The following MAF variants were observed in gnomAD, a reference collection of about 807,000 sequenced individuals.
MAF encodes the protein transcription factor Maf.
A neutral mutation model predicts 22.0 loss-of-function variants in MAF; 10 were observed. That is an observed-to-expected ratio of 0.45 (90% confidence interval 0.28 to 0.77). MAF has a LOEUF of 0.77. Among genes scored for constraint, MAF ranks in the 30% least tolerant of loss-of-function variants. The probability of loss-of-function intolerance (pLI) is 0.12; values close to 1 mark genes in which losing one functional copy is unlikely to be tolerated. For missense variants in MAF, 544 were observed against 548.4 expected, an observed-to-expected ratio of 0.99 and a Z score of 0.08; for synonymous variants, 337 against 255.8, an observed-to-expected ratio of 1.32 and a Z score of -3.03.
the MAF span, among the ~76,000 whole-genome samples, chr16:79,384,436 A>G: frequency 2.5e-5 from 3 of 118,390 alleles, no homozygotes; most frequent in Non-Finnish European, 5.0e-5. Flanking sequence ...CAAGAGCAAA[A>G]CTCTGTCTCA....
the MAF span, among the ~76,000 whole-genome samples, chr16:79,346,940 C>T: frequency 6.6e-6 from 1 of 152,020 alleles, no homozygotes; most frequent in Admixed American, 6.6e-5. Flanking sequence ...TTTTTAAGCT[C>T]CTCAATAAAG....
the MAF span, among the ~76,000 whole-genome samples, chr16:79,553,477 G>C: frequency 6.6e-6 from 1 of 152,200 alleles, no homozygotes. Context: ...AGACAGCGTG[G>C]AGTCAGTTTG....
the MAF span, among the ~76,000 whole-genome samples, chr16:79,270,043 T>G: frequency 0.024 from 3,726 of 152,098 alleles, 53 homozygotes; most frequent in Non-Finnish European, 0.03. Context: ...CAATCCTGTT[T>G]TTTTCATCCT....
the MAF span, among the ~76,000 whole-genome samples, chr16:79,331,706 G>C: frequency 2.6e-5 from 4 of 152,152 alleles, no homozygotes; most frequent in African/African-American, 9.7e-5. Flanking sequence ...GTAAGATCTA[G>C]ACTGCTATGG....
At chr16:79,315,975 C>G in the MAF span, among the ~76,000 whole-genome samples, 42 of 152,358 alleles carry the variant, frequency 2.8e-4, 1 homozygote, top group African/African-American at 8.9e-4. Context: ...ACCTGCCATT[C>G]TGAACCTCTT....
chr16:79,305,430 T>C, the MAF span, among the ~76,000 whole-genome samples: 2 of 152,228 alleles, frequency 1.3e-5, no homozygotes, highest in African/African-American at 4.8e-5. Context: ...GCTGGATGCT[T>C]TTCCTCCCTG....
chr16:79,298,882 T>C, the MAF span, among the ~76,000 whole-genome samples: 1 of 152,234 alleles, frequency 6.6e-6, no homozygotes, highest in Non-Finnish European at 1.5e-5. Flanking sequence ...CCCAGCAAGT[T>C]CTGGCAGACA....
At chr16:79,449,604 C>T in the MAF span, among the ~76,000 whole-genome samples, 17 of 152,218 alleles carry the variant, frequency 1.1e-4, no homozygotes, top group Admixed American at 6.5e-4. Context: ...GCTACAACGC[C>T]GGCCTACAGC....
At chr16:79,204,273 T>C in the MAF span, 1 of 152,084 alleles carries the variant, frequency 6.6e-6, no homozygotes, top group East Asian at 1.9e-4. Flanking sequence ...ATACCTTCTC[T>C]TAGTTCTAAT....
the MAF span, among the ~76,000 whole-genome samples, chr16:79,437,843 G>A: frequency 8.5e-5 from 13 of 152,194 alleles, no homozygotes; most frequent in African/African-American, 3.1e-4. Context: ...GGCTGGGAAG[G>A]GGGTTCCCAC....
the MAF span, among the ~76,000 whole-genome samples, chr16:79,522,737 C>G: frequency 6.6e-6 from 1 of 152,274 alleles, no homozygotes; most frequent in East Asian, 1.9e-4. Flanking sequence ...TGAGATCAAT[C>G]CAACGATGGC....
At chr16:79,499,426 G>A in the MAF span, among the ~76,000 whole-genome samples, 1 of 152,194 alleles carries the variant, frequency 6.6e-6, no homozygotes, top group Admixed American at 6.5e-5. Context: ...CCATGGCATA[G>A]AAGCTATAGT....
the MAF span, among the ~76,000 whole-genome samples, chr16:79,502,861 C>G: frequency 1.0e-4 from 15 of 149,650 alleles, no homozygotes; most frequent in East Asian, 2.7e-3. Flanking sequence ...ATTCTTTACT[C>G]TCTTTAACGT....
chr16:79,600,655 G>T lies in MAF; in HGVS notation c.-753C>A, dbSNP rs555035655. ...GGAAAGACGAGGCAGAGAGCAAAGG[G>T]GGGAGGGGGAGGCCAAGCCGACAAG... is the stretch of plus-strand genomic sequence containing the variant. On this transcript the variant is annotated 5_prime_UTR_variant, in exon 1 of 2. Coordinates refer to ENST00000326043, the MANE Select transcript of MAF (RefSeq NM_005360.5). The T allele has an allele frequency of 5.1e-6, 1 of 196,434 alleles. No homozygotes were observed. Among genetic ancestry groups the T allele is most frequent in the South Asian group, 2.0e-4 (1 of 5,010 alleles). 12.2% of individuals were successfully genotyped at this position (196,434 alleles called of 1,614,324 possible).
the MAF span, among the ~76,000 whole-genome samples, chr16:79,406,935 T>A: frequency 2.0e-5 from 3 of 152,234 alleles, no homozygotes; most frequent in South Asian, 6.2e-4. Flanking sequence ...CCTAACTCCT[T>A]GTCTGATGCT....
chr16:79,342,831 G>C, the MAF span, among the ~76,000 whole-genome samples: 1 of 152,144 alleles, frequency 6.6e-6, no homozygotes, highest in Non-Finnish European at 1.5e-5. Flanking sequence ...AGATCACATG[G>C]TCCATGCATA....
At chr16:79,353,170 G>A in the MAF span, among the ~76,000 whole-genome samples, 1 of 151,262 alleles carries the variant, frequency 6.6e-6, no homozygotes, top group Non-Finnish European at 1.5e-5. Flanking sequence ...CACCCAGGCT[G>A]GAGAGCAGCT....
the MAF span, among the ~76,000 whole-genome samples, chr16:79,478,497 G>GGCCACAATCAC: frequency 6.6e-6 from 1 of 152,140 alleles, no homozygotes; most frequent in Admixed American, 6.5e-5. Context: ...ATCACTAGCA[G>GGCCACAATCAC]TGGGATAGGT....
chr16:79,472,920 T>A, the MAF span, among the ~76,000 whole-genome samples: 1 of 151,954 alleles, frequency 6.6e-6, no homozygotes. Context: ...ATTGAATGGG[T>A]GTGTACCGAG....
Sources: allele counts gnomAD v4.1 joint callset (sites outside exome capture counted in the v4.1 genomes callset), GRCh38; gene constraint gnomAD v4.1.1; transcripts MANE v1.5; gene names NCBI Gene and HGNC (gene_info 2026-07-23, HGNC 2026-07-21).